The following MADD variants were observed in gnomAD, a reference collection of about 807,000 sequenced individuals.
MADD encodes MAP kinase-activating death domain protein.
A neutral mutation model predicts 176.7 loss-of-function variants in MADD; 109 were observed. The ratio of observed to expected loss-of-function variants is 0.62; its 90% CI spans 0.53 to 0.72. The LOEUF is 0.72. Among genes scored for constraint, MADD ranks in the 30% least tolerant of loss-of-function variants. The pLI is 0.00. For missense variants in MADD, 1,914 were observed against 2,045.5 expected, an observed-to-expected ratio of 0.94 and a Z score of 1.24; for synonymous variants, 771 against 771.3, an observed-to-expected ratio of 1.00 and a Z score of 0.01.
intron 27 of MADD, among the ~76,000 whole-genome samples, chr11:47,317,797 GTC>G (rs1167609835): frequency 6.6e-6 from 1 of 150,434 alleles, no homozygotes; most frequent in East Asian, 1.9e-4. Flanking sequence ...TTGAGACAGA[GTC>G]TCTCTCTATC....
At chr11:47,289,977 G>A (rs765378624) in exon 17 of MADD, 11 of 1,614,172 alleles carry the variant, frequency 6.8e-6, no homozygotes, top group African/African-American at 1.3e-5. Flanking sequence ...GAGCAGCTGC[G>A]AGTCTTTGTC....
intron 20 of MADD, 125 bp from the exon 23 acceptor site, chr11:47,295,371 T>C (rs2070369527): frequency 1.4e-6 from 1 of 708,050 alleles, no homozygotes; most frequent in Admixed American, 2.7e-5. Context: ...CAAAAGTTGC[T>C]CGTGACTTCT....
intron 31 of MADD, chr11:47,327,140 A>G (rs2095531449): frequency 6.6e-6 from 7 of 1,055,358 alleles, no homozygotes; most frequent in East Asian, 1.4e-4. Flanking sequence ...GGCGACCCCC[A>G]AGCTCCACTA....
At chr11:47,303,605 G>A (rs2079856429) in intron 22 of MADD, among the ~76,000 whole-genome samples, 1 of 134,168 alleles carries the variant, frequency 7.5e-6, no homozygotes, top group African/African-American at 2.9e-5. Flanking sequence ...CCTTGGAGAG[G>A]CCTTTTTTTT....
chr11:47,275,241 C>G (rs773846749), intron 3 of MADD, 82 bp downstream of exon 3: 4 of 1,225,704 alleles, frequency 3.3e-6, no homozygotes, highest in Non-Finnish European at 4.6e-6. Flanking sequence ...AGGAAATTTC[C>G]TCTACAGCTC....
rs571747445 is a variant in MADD, at chr11:47,289,431, T to C, written c.2694T>C (p.Ile898=). 8.5e-4 allele frequency: 1,366 copies of C among 1,614,200 alleles called. 24 individuals carry two copies. The South Asian group carries it at 0.014, about 17-fold the overall frequency. ...TAGTGGATCAGAAGTCATCTGTCAT[T>C]AAACACAGCCCAACAGTGAAAAGAG... The change falls in exon 16 of 33, where the codon ATT becomes ATC. Residue 898 remains isoleucine (I), a synonymous_variant. Coordinates refer to ENST00000402192, the Ensembl canonical transcript of MADD.
intron 31 of MADD, chr11:47,327,960 G>A (rs2095637545): frequency 2.0e-6 from 2 of 985,198 alleles, no homozygotes; most frequent in Non-Finnish European, 2.4e-6. Flanking sequence ...CTGTGGACAT[G>A]TGTGTATTTT....
At chr11:47,293,909 G>C (rs1264051568) in exon 20 of MADD, 1 of 1,614,044 alleles carries the variant, frequency 6.2e-7, no homozygotes. Flanking sequence ...ACCTGTCTTT[G>C]ACCTTGGTGA....
chr11:47,328,013 G>A (rs1003964847), intron 31 of MADD: 58 of 988,610 alleles, frequency 5.9e-5, no homozygotes, highest in African/African-American at 5.1e-4. Flanking sequence ...TGCTGTACTC[G>A]CCTGTCTTCT....
intron 22 of MADD, among the ~76,000 whole-genome samples, chr11:47,297,723 G>A (rs1242985931): frequency 6.6e-6 from 1 of 151,594 alleles, no homozygotes; most frequent in Admixed American, 6.6e-5. Flanking sequence ...TGGGATTACA[G>A]GCGTGAGCCA....
At chr11:47,289,323 G>C in intron 15 of MADD, 68 bp from the exon 17 acceptor site, 1 of 1,296,412 alleles carries the variant, frequency 7.7e-7, no homozygotes. Flanking sequence ...TGGCTACTTA[G>C]GGCTGTGCTG....
intron 7 of MADD, among the ~76,000 whole-genome samples, chr11:47,280,397 A>G (rs1158475325): frequency 6.6e-6 from 1 of 152,160 alleles, no homozygotes; most frequent in Non-Finnish European, 1.5e-5. Flanking sequence ...CATCACTGCT[A>G]ATATAATATG....
intron 22 of MADD, among the ~76,000 whole-genome samples, chr11:47,300,855 T>G (rs2077181901): frequency 6.6e-6 from 1 of 152,178 alleles, no homozygotes. Context: ...CTATTCAGGT[T>G]TCTGTTTCTT....
intron 30 of MADD, among the ~76,000 whole-genome samples, chr11:47,326,030 TG>T (rs2095420813): frequency 6.6e-6 from 1 of 152,076 alleles, no homozygotes; most frequent in Non-Finnish European, 1.5e-5. Flanking sequence ...CTGGGGTAAA[TG>T]GGAAAAGCAC....
chr11:47,328,313 C>T (rs927212037), intron 31 of MADD: 1 of 1,192,602 alleles, frequency 8.4e-7, no homozygotes, highest in Non-Finnish European at 1.0e-6. Context: ...CCCACTGCAG[C>T]TCCTCAGGGG....
exon 27 of MADD, chr11:47,315,264 G>A: frequency 1.2e-6 from 2 of 1,613,956 alleles, no homozygotes; most frequent in South Asian, 2.2e-5. Context: ...GCCGGCACAT[G>A]AAGAAGCAGA....
chr11:47,285,557 A>T, exon 14 of MADD: 1 of 1,614,090 alleles, frequency 6.2e-7, no homozygotes, highest in Non-Finnish European at 8.5e-7. Context: ...CAACACCAGC[A>T]CCGAGGGCTT....
exon 4 of MADD, chr11:47,275,938 AGAG>A (rs770401259): frequency 6.2e-7 from 1 of 1,613,362 alleles, no homozygotes; most frequent in Non-Finnish European, 8.5e-7. Flanking sequence ...CGCTGCTGGT[AGAG>A]GAGAAGTCAA....
chr11:47,288,593 C>G (rs532894061), intron 15 of MADD, among the ~76,000 whole-genome samples: 3 of 152,306 alleles, frequency 2.0e-5, no homozygotes, highest in Admixed American at 2.0e-4. Flanking sequence ...TACCCTGACC[C>G]CACTCCCCAC....
Sources: allele counts gnomAD v4.1 joint callset (sites outside exome capture counted in the v4.1 genomes callset), GRCh38; gene constraint gnomAD v4.1.1; transcripts MANE v1.5; gene names NCBI Gene and HGNC (gene_info 2026-07-23, HGNC 2026-07-21).